The following ENPP6 variants were observed in gnomAD, a reference collection of about 807,000 sequenced individuals.
The protein encoded by ENPP6 is ectonucleotide pyrophosphatase/phosphodiesterase 6.
ENPP6 carries 32 observed loss-of-function variants against 42.0 expected under a neutral mutation model. The observed-to-expected ratio is 0.76, with a 90% CI of 0.58 to 1.02. ENPP6 has a LOEUF of 1.02. Among genes scored for constraint, ENPP6 ranks in the 50% least tolerant of loss-of-function variants. ENPP6 has a pLI of 0.00. For synonymous variants in ENPP6, 213 were observed against 216.0 expected (o/e 0.99, Z 0.12); for missense variants, 552 against 566.8 (o/e 0.97, Z 0.27).
At chr4:184,101,493 C>T (rs557961680) in intron 6 of ENPP6, among the ~76,000 whole-genome samples, 50 of 152,076 alleles carry the variant, frequency 3.3e-4, no homozygotes, top group African/African-American at 1.2e-3. Context: ...CCTTGAATGA[C>T]CTGGGTGGGA....
intron 1 of ENPP6, among the ~76,000 whole-genome samples, chr4:184,207,003 C>T (rs1228194417): frequency 6.6e-6 from 1 of 152,246 alleles, no homozygotes; most frequent in South Asian, 2.1e-4. Flanking sequence ...GATGCCTACT[C>T]GCCTAGGCGC....
chr4:184,208,611 T>G (rs1733045097), intron 1 of ENPP6, among the ~76,000 whole-genome samples: 1 of 150,708 alleles, frequency 6.6e-6, no homozygotes, highest in Admixed American at 6.6e-5. Flanking sequence ...TCTCGCTGAT[T>G]GCTAGCACAG....
At chr4:184,200,945 C>A (rs2111115266) in intron 1 of ENPP6, among the ~76,000 whole-genome samples, 1 of 152,274 alleles carries the variant, frequency 6.6e-6, no homozygotes, top group African/African-American at 2.4e-5. Flanking sequence ...GTATCCTGGA[C>A]CAAAGTTCCA....
chr4:184,116,898 C>T lies in ENPP6; in HGVS notation c.813G>A (p.Gly271=), dbSNP rs770293057. The T allele has an allele frequency of 1.2e-6, 2 of 1,614,150 alleles. No homozygotes were observed. The highest frequency in any genetic ancestry group is 1.7e-5 in the Admixed American group (1 of 60,030). ...LNDLQQVKDR[G]PVVSLWPAPG... ...GGGCCGGCCAAAGGCTCACAACAGGCCCGCGGTCCTTCACTTGCTGCAGGT... is the reference window on the plus strand; with the variant it reads ...GGGCCGGCCAAAGGCTCACAACAGGTCCGCGGTCCTTCACTTGCTGCAGGT... The change falls in exon 5 of 8, where the codon GGG becomes GGA. Residue 271 remains glycine, a synonymous_variant. Transcript: ENST00000296741.
chr4:184,192,835 C>G (rs769877204), intron 1 of ENPP6, among the ~76,000 whole-genome samples: 46 of 152,114 alleles, frequency 3.0e-4, no homozygotes, highest in Non-Finnish European at 2.8e-4. Flanking sequence ...TCCACAAGCA[C>G]ATGAAAAGAA....
chr4:184,132,070 G>T (rs564150107), intron 2 of ENPP6, among the ~76,000 whole-genome samples: 162 of 152,254 alleles, frequency 1.1e-3, no homozygotes, highest in Non-Finnish European at 2.0e-3. Context: ...TAAGCCTTTT[G>T]TTCTATTCAG....
At chr4:184,098,425 C>T (rs181256347) in intron 6 of ENPP6, among the ~76,000 whole-genome samples, 1 of 152,296 alleles carries the variant, frequency 6.6e-6, no homozygotes, top group East Asian at 1.9e-4. Context: ...GCAGCCGGAC[C>T]CAGAAGGGTC....
intron 1 of ENPP6, among the ~76,000 whole-genome samples, chr4:184,180,160 A>G (rs1468184711): frequency 1.3e-5 from 2 of 152,188 alleles, no homozygotes; most frequent in African/African-American, 4.8e-5. Flanking sequence ...AATCAAATAG[A>G]CACAATACAA....
intron 1 of ENPP6, among the ~76,000 whole-genome samples, chr4:184,188,013 T>C (rs982536004): frequency 2.0e-5 from 3 of 152,202 alleles, no homozygotes; most frequent in African/African-American, 4.8e-5. Flanking sequence ...ATACATTCTT[T>C]AATTAAAATA....
At chr4:184,202,070 C>T (rs1205418864) in intron 1 of ENPP6, among the ~76,000 whole-genome samples, 1 of 152,214 alleles carries the variant, frequency 6.6e-6, no homozygotes, top group Non-Finnish European at 1.5e-5. Context: ...TCCTTTGCCT[C>T]AGTGGTATTC....
At chr4:184,091,830 A>T (rs1258876468) in intron 7 of ENPP6, among the ~76,000 whole-genome samples, 1 of 152,226 alleles carries the variant, frequency 6.6e-6, no homozygotes, top group African/African-American at 2.4e-5. Context: ...CAGGAGTTCA[A>T]GGCTGCAGTG....
intron 1 of ENPP6, among the ~76,000 whole-genome samples, chr4:184,171,179 C>G (rs139543738): frequency 3.7e-4 from 57 of 152,352 alleles, no homozygotes; most frequent in Non-Finnish European, 6.2e-4. Flanking sequence ...CTGGGGTAAC[C>G]TGACACCAGA....
At chr4:184,138,221 A>G (rs1409468952) in intron 2 of ENPP6, among the ~76,000 whole-genome samples, 1 of 152,222 alleles carries the variant, frequency 6.6e-6, no homozygotes, top group Non-Finnish European at 1.5e-5. Context: ...CTAATCATTA[A>G]ATGTAAGTGC....
chr4:184,129,309 C>CACACAT (rs1736557372), intron 2 of ENPP6, among the ~76,000 whole-genome samples: 1 of 151,812 alleles, frequency 6.6e-6, no homozygotes, highest in Admixed American at 6.6e-5. Context: ...CACACACACA[C>CACACAT]ACACACACAC....
chr4:184,200,725 C>T (rs766014094), intron 1 of ENPP6, among the ~76,000 whole-genome samples: 1 of 152,188 alleles, frequency 6.6e-6, no homozygotes, highest in South Asian at 2.1e-4. Context: ...TGCAGATAAT[C>T]GGCTGGGCAA....
chr4:184,136,666 C>G (rs1736734424), intron 2 of ENPP6, among the ~76,000 whole-genome samples: 1 of 152,182 alleles, frequency 6.6e-6, no homozygotes, highest in Non-Finnish European at 1.5e-5. Flanking sequence ...GGATCTCATT[C>G]CATTGTCTCC....
chr4:184,155,090 A>G (rs1737136583), intron 1 of ENPP6, among the ~76,000 whole-genome samples: 1 of 152,190 alleles, frequency 6.6e-6, no homozygotes, highest in African/African-American at 2.4e-5. Flanking sequence ...GAGAAGGAGG[A>G]CAGGTTGCAG....
At chr4:184,134,539 T>C (rs1377987776) in intron 2 of ENPP6, among the ~76,000 whole-genome samples, 5 of 152,168 alleles carry the variant, frequency 3.3e-5, no homozygotes, top group African/African-American at 1.2e-4. Context: ...CACACTGTAT[T>C]ACTGGCTTTT....
Position 184,104,237 on chromosome 4 carries a change from C to T in ENPP6, c.994-6869G>A, listed in dbSNP as rs1216808404. Among the ~76,000 whole-genome samples the T allele has an allele frequency of 5.3e-5, 8 of 152,160 alleles. No individual in the cohort carries two copies. The East Asian group carries it at 1.5e-3, about 29-fold the overall frequency. On this transcript the variant is annotated intron_variant, in intron 6 of 7. Coordinates refer to ENST00000296741, the MANE Select transcript of ENPP6 (RefSeq NM_153343.4). Reference sequence around the variant, plus strand: ...GTTTTCCAGATTGTCTTGATTTCCCCAGATATTTTGAGTCCAGGCCTCACA... The same window carrying T: ...GTTTTCCAGATTGTCTTGATTTCCCTAGATATTTTGAGTCCAGGCCTCACA...
Sources: gnomAD v4.1 joint callset for allele counts (sites outside exome capture counted in the v4.1 genomes callset) on GRCh38, gnomAD v4.1.1 for gene constraint, MANE v1.5 for transcripts, NCBI Gene and HGNC (gene_info 2026-07-23, HGNC 2026-07-21) for gene names.